DENND5B: variants seen among roughly 807,000 people sequenced by gnomAD.
DENND5B encodes DENN domain-containing protein 5B.
Under a neutral mutation model 140.6 loss-of-function variants are expected in DENND5B, and 34 were observed. That is an observed-to-expected ratio of 0.24 (90% CI 0.18 to 0.32). The LOEUF is 0.32. DENND5B is among the 10% of genes least tolerant of loss of function. The pLI, the probability that DENND5B is intolerant of heterozygous loss-of-function variation, is 1.00. For missense variants in DENND5B, 1,142 were observed against 1,560.2 expected (o/e 0.73, Z 4.52); for synonymous variants, 551 against 562.1 (o/e 0.98, Z 0.28).
intron 1 of DENND5B, among the ~76,000 whole-genome samples, chr12:31,497,388 C>A (rs758580354): frequency 8.5e-5 from 13 of 152,092 alleles, no homozygotes; most frequent in Admixed American, 2.0e-4. Context: ...TGAGAGCATT[C>A]ATTTCTAGAA....
intron 3 of DENND5B, chr12:31,465,223 G>A (rs534238697): frequency 1.3e-5 from 2 of 152,438 alleles, no homozygotes; most frequent in East Asian, 3.9e-4. Context: ...TGGTGGTGCA[G>A]ACCAGGAGCT....
At chr12:31,433,332 C>T (rs1943601881) in intron 7 of DENND5B, 84 bp from the exon 8 acceptor site, 1 of 1,178,760 alleles carries the variant, frequency 8.5e-7, no homozygotes, top group Admixed American at 2.5e-5. Context: ...GACTGACACA[C>T]ACATTTTAAA....
chr12:31,557,814 CAAA>C (rs71445804), intron 1 of DENND5B, among the ~76,000 whole-genome samples: 4,496 of 81,040 alleles, frequency 0.055, 322 homozygotes, highest in African/African-American at 0.19. Context: ...GCTGTGGTGG[CAAA>C]AAAAAAAAAA....
rs1945994471 is a variant in DENND5B at position 31,479,979 on chromosome 12, T to C, written c.514A>G (p.Lys172Glu). 2 of 1,613,874 alleles carry C rather than the reference T, an allele frequency of 1.2e-6. No individual in the cohort carries two copies. Among genetic ancestry groups the C allele is most frequent in the African/African-American group, 1.3e-5 (1 of 74,918 alleles). Residue 172 changes from lysine (K) to glutamate (E), a missense_variant, in exon 3 of 21, where the codon AAA becomes GAA. Transcript: ENST00000389082. ...TCATAGGAGTTGTATCGCTGGAGTT[T>C]CAAAAGGGAAGTTGTATCTCCTTCA... The part of the protein sequence containing the change: ...LDEGDTTSLL[K>E]LQRYNSYDIS...
intron 5 of DENND5B, among the ~76,000 whole-genome samples, 176 bp from the exon 6 acceptor site, chr12:31,447,945 AAT>A (rs1281528697): frequency 6.6e-6 from 1 of 152,150 alleles, no homozygotes; most frequent in Non-Finnish European, 1.5e-5. Context: ...AAATTTAGAG[AAT>A]GTACGTCACT....
chr12:31,501,521 C>T (rs1947000988), intron 1 of DENND5B, among the ~76,000 whole-genome samples: 1 of 152,134 alleles, frequency 6.6e-6, no homozygotes, highest in South Asian at 2.1e-4. Context: ...TGCCCGTAAT[C>T]CCAATACTTT....
chr12:31,563,015 T>C (rs1949527287), intron 1 of DENND5B, among the ~76,000 whole-genome samples: 1 of 152,060 alleles, frequency 6.6e-6, no homozygotes, highest in Admixed American at 6.6e-5. Flanking sequence ...TAACTGCACC[T>C]AGCTTGGTGA....
intron 13 of DENND5B, among the ~76,000 whole-genome samples, chr12:31,412,480 G>A (rs538144804): frequency 2.0e-5 from 3 of 152,250 alleles, no homozygotes; most frequent in African/African-American, 7.2e-5. Flanking sequence ...AGTCTCATAA[G>A]GAGCACATAA....
At position 31,430,556 on chromosome 12, in the gene DENND5B, A is replaced by T. The variant is rs1411708060; in HGVS notation, c.2106+2599T>A. Among the ~76,000 whole-genome samples, 3 of 149,410 alleles carry T rather than the reference A, an allele frequency of 2.0e-5. No homozygotes were observed. The South Asian group carries it at 6.4e-4, about 32-fold the overall frequency. Reference sequence around the variant, plus strand: ...GGGCGTGGTACGTGCCTGTAGTCCCAGCTACTTGGGAGGCCTAGGCAGGAA... The same window carrying T: ...GGGCGTGGTACGTGCCTGTAGTCCCTGCTACTTGGGAGGCCTAGGCAGGAA... On this transcript the variant is annotated intron_variant, in intron 8 of 20. Transcript: ENST00000389082.
intron 2 of DENND5B, among the ~76,000 whole-genome samples, chr12:31,488,177 T>C (rs1030292030): frequency 6.6e-6 from 1 of 151,046 alleles, no homozygotes; most frequent in Non-Finnish European, 1.5e-5. Flanking sequence ...GGTTTCACCA[T>C]GTTGGCCAGG....
At position 31,423,481 on chromosome 12, in the gene DENND5B, T is replaced by C. The variant is rs1306958557; in HGVS notation, c.2470+116A>G. The stretch of plus-strand genomic sequence containing the variant: ...ATATTGCTCCTTCTACTTTATCCCA[T>C]TATTGGCAAAATGAGTAAATTTTAG... On this transcript the variant is annotated intron_variant, in intron 11 of 20. Coordinates refer to ENST00000389082, the MANE Select transcript of DENND5B (RefSeq NM_144973.4). 9 of 1,071,216 alleles carry C rather than the reference T, an allele frequency of 8.4e-6. No individual in the cohort carries two copies. The African/African-American group carries it at 1.4e-4, about 17-fold the overall frequency. The allele number at this position is 1,071,216 out of a possible 1,614,324, so 66.4% of individuals were successfully genotyped here.
chr12:31,398,413 T>A lies in DENND5B; in HGVS notation c.3069-51A>T, dbSNP rs1941602769. On this transcript the variant is annotated intron_variant, in intron 16 of 20. Coordinates refer to ENST00000389082, the MANE Select transcript of DENND5B (RefSeq NM_144973.4). ...TATTTTTTATTTTTTTGAGACAGGG[T>A]TCCCGCTCAGCCCCCTGAGTAGTTG... 60 of 1,496,448 alleles carry A rather than the reference T, an allele frequency of 4.0e-5. 2 individuals are homozygous for A. The South Asian group carries it at 7.9e-4, about 20-fold the overall frequency. 92.7% of individuals were successfully genotyped at this position (1,496,448 alleles called of 1,614,324 possible). A position where few individuals can be genotyped will look rare whatever the true frequency, so the allele number is the denominator to read the frequency against.
intron 1 of DENND5B, chr12:31,590,450 G>C: frequency 3.1e-6 from 1 of 320,366 alleles, no homozygotes; most frequent in Non-Finnish European, 5.5e-6. Flanking sequence ...CGTGCCCTTG[G>C]GGCCACCCCC....
At chr12:31,585,341 A>G (rs1229760373) in intron 1 of DENND5B, among the ~76,000 whole-genome samples, 2 of 152,216 alleles carry the variant, frequency 1.3e-5, no homozygotes, top group Non-Finnish European at 2.9e-5. Context: ...TGAGCCAAGG[A>G]TGTCAACAAA....
rs898630236 is a variant in DENND5B at position 31,449,299 on chromosome 12, T to G, written c.1630-1530A>C. Among the ~76,000 whole-genome samples the G allele has an allele frequency of 1.3e-4, 20 of 152,248 alleles. 1 individual carries two copies. The highest frequency in any genetic ancestry group is 1.3e-4 in the Non-Finnish European group (9 of 68,044). On this transcript the variant is annotated intron_variant, in intron 5 of 20. Coordinates refer to ENST00000389082, the MANE Select transcript of DENND5B (RefSeq NM_144973.4). Reference sequence around the variant, plus strand: ...TCCTTATAGAAATCCACTTATTCACTTTAAGTAGTTCCATAGTTCAGGTGT... The same window carrying G: ...TCCTTATAGAAATCCACTTATTCACGTTAAGTAGTTCCATAGTTCAGGTGT...
chr12:31,540,262 A>G (rs1259438), intron 1 of DENND5B, among the ~76,000 whole-genome samples: 124,258 of 152,194 alleles, frequency 0.82, 51,062 homozygotes, highest in African/African-American at 0.9. Flanking sequence ...TGGGTTGGAA[A>G]ACTCAATATT....
At chr12:31,564,561 C>CTAT (rs3074755) in intron 1 of DENND5B, among the ~76,000 whole-genome samples, 47,683 of 135,734 alleles carry the variant, frequency 0.35, 9,114 homozygotes, top group Non-Finnish European at 0.44. Context: ...TCTTTTCATT[C>CTAT]TATTATTATT....
intron 8 of DENND5B, among the ~76,000 whole-genome samples, chr12:31,428,180 G>T (rs7313689): frequency 0.57 from 86,543 of 151,590 alleles, 25,164 homozygotes; most frequent in East Asian, 0.82. Flanking sequence ...ATGGTGAAAC[G>T]CCATCTCTAC....
chr12:31,560,218 T>C (rs1423681861), intron 1 of DENND5B, among the ~76,000 whole-genome samples: 1 of 152,194 alleles, frequency 6.6e-6, no homozygotes, highest in Non-Finnish European at 1.5e-5. Flanking sequence ...CAAAAATGGA[T>C]TCCTGAGCTG....
Sources: gnomAD v4.1 joint callset for allele counts (sites outside exome capture counted in the v4.1 genomes callset) on GRCh38, gnomAD v4.1.1 for gene constraint, MANE v1.5 for transcripts, NCBI Gene and HGNC (gene_info 2026-07-23, HGNC 2026-07-21) for gene names.